Variants in C7orf78 observed in about 807,000 individuals in gnomAD.
The protein encoded by C7orf78 is putative uncharacterized protein C7orf78.
chr7:12,542,059 T>C, the C7orf78 span: 2 of 152,186 alleles, frequency 1.3e-5, no homozygotes, highest in Non-Finnish European at 2.9e-5. Context: ...GATTTGATGA[T>C]TATAATTGAA....
the C7orf78 span, among the ~76,000 whole-genome samples, chr7:12,524,380 T>C: frequency 6.6e-6 from 1 of 152,162 alleles, no homozygotes; most frequent in African/African-American, 2.4e-5. Context: ...AGTCAATAAC[T>C]CTCTTTACTT....
the C7orf78 span, among the ~76,000 whole-genome samples, chr7:12,497,028 T>C: frequency 6.6e-6 from 1 of 152,142 alleles, no homozygotes; most frequent in Non-Finnish European, 1.5e-5. Flanking sequence ...TTAAATAAAA[T>C]GAACAGTTAA....
At chr7:12,499,236 A>G in the C7orf78 span, among the ~76,000 whole-genome samples, 2 of 151,498 alleles carry the variant, frequency 1.3e-5, no homozygotes, top group Middle Eastern at 3.5e-3. Context: ...ACATAACACT[A>G]TTAACTTTAA....
chr7:12,514,546 A>G, the C7orf78 span, among the ~76,000 whole-genome samples: 1 of 151,962 alleles, frequency 6.6e-6, no homozygotes, highest in African/African-American at 2.4e-5. Context: ...TTTCAAGGTT[A>G]TTATTGATTT....
chr7:12,539,853 C>T, the C7orf78 span, among the ~76,000 whole-genome samples: 1 of 152,154 alleles, frequency 6.6e-6, no homozygotes, highest in African/African-American at 2.4e-5. Flanking sequence ...GGCAAGGATG[C>T]AATCATGATG....
the C7orf78 span, among the ~76,000 whole-genome samples, chr7:12,511,318 G>A: frequency 5.3e-5 from 8 of 152,268 alleles, no homozygotes; most frequent in South Asian, 1.5e-3. Flanking sequence ...TAGGTAGTGT[G>A]ATGTTTACAA....
chr7:12,493,112 G>T, the C7orf78 span, among the ~76,000 whole-genome samples: 4 of 152,248 alleles, frequency 2.6e-5, no homozygotes, highest in South Asian at 8.3e-4. Flanking sequence ...TGAGGTGAGA[G>T]AATTGCTTGA....
chr7:12,484,387 T>C, the C7orf78 span, among the ~76,000 whole-genome samples: 1 of 152,216 alleles, frequency 6.6e-6, no homozygotes, highest in Non-Finnish European at 1.5e-5. Flanking sequence ...TACTTTCTGA[T>C]TAAATTTACA....
chr7:12,539,785 A>G, the C7orf78 span, among the ~76,000 whole-genome samples: 4 of 152,224 alleles, frequency 2.6e-5, no homozygotes, highest in Non-Finnish European at 5.9e-5. Context: ...ATGGGTTTAT[A>G]TAACATTCTT....
the C7orf78 span, among the ~76,000 whole-genome samples, chr7:12,505,136 T>C: frequency 2.0e-5 from 3 of 152,068 alleles, no homozygotes; most frequent in Non-Finnish European, 4.4e-5. Flanking sequence ...ACTATTATGG[T>C]GAAGTTTTTC....
At chr7:12,522,834 T>C in the C7orf78 span, 3 of 395,172 alleles carry the variant, frequency 7.6e-6, no homozygotes, top group Non-Finnish European at 1.3e-5. Flanking sequence ...TTCCTTCTCC[T>C]CCATACATAT....
At chr7:12,486,581 A>G in the C7orf78 span, among the ~76,000 whole-genome samples, 2 of 151,982 alleles carry the variant, frequency 1.3e-5, no homozygotes, top group Non-Finnish European at 2.9e-5. Context: ...GAAGCCATTA[A>G]ACAGTGATTT....
the C7orf78 span, among the ~76,000 whole-genome samples, chr7:12,514,681 A>G: frequency 2.0e-5 from 3 of 149,022 alleles, no homozygotes; most frequent in Admixed American, 1.3e-4. Context: ...GTACTATTTG[A>G]CTCCTTTCTC....
chr7:12,531,330 T>C, the C7orf78 span, among the ~76,000 whole-genome samples: 1 of 152,302 alleles, frequency 6.6e-6, no homozygotes, highest in East Asian at 1.9e-4. Flanking sequence ...CCTACGTGCA[T>C]AATCACCTCT....
chr7:12,507,693 T>C, the C7orf78 span, among the ~76,000 whole-genome samples: 39 of 152,366 alleles, frequency 2.6e-4, no homozygotes, highest in African/African-American at 9.1e-4. Context: ...AGCCTCATTA[T>C]ATAGTAAATG....
At chr7:12,506,598 A>T in the C7orf78 span, among the ~76,000 whole-genome samples, 1 of 152,196 alleles carries the variant, frequency 6.6e-6, no homozygotes, top group Non-Finnish European at 1.5e-5. Flanking sequence ...CAATGAGAAC[A>T]CATGGACACA....
At chr7:12,522,947 C>A in the C7orf78 span, 2 of 397,948 alleles carry the variant, frequency 5.0e-6, no homozygotes, top group Non-Finnish European at 8.9e-6. Flanking sequence ...TGACAAGCTT[C>A]ACCTATTTCC....
chr7:12,502,490 C>T, the C7orf78 span, among the ~76,000 whole-genome samples: 9 of 151,376 alleles, frequency 5.9e-5, no homozygotes, highest in East Asian at 1.9e-4. Flanking sequence ...AAATGCTCAC[C>T]GTCACTGGCC....
chr7:12,505,403 A>G, the C7orf78 span, among the ~76,000 whole-genome samples: 2 of 152,140 alleles, frequency 1.3e-5, no homozygotes, highest in Admixed American at 6.5e-5. Flanking sequence ...TGACATAAAT[A>G]AATTATCCAG....
Sources: gnomAD v4.1 joint callset for allele counts (sites outside exome capture counted in the v4.1 genomes callset) on GRCh38, gnomAD v4.1.1 for gene constraint, MANE v1.5 for transcripts, NCBI Gene and HGNC (gene_info 2026-07-23, HGNC 2026-07-21) for gene names.